The following CEP43 variants were observed in gnomAD, a reference collection of about 807,000 sequenced individuals.
The protein encoded by CEP43 is centrosomal protein 43.
In CEP43, 36 loss-of-function variants were observed where a neutral mutation model predicts 52.6. The ratio of observed to expected loss-of-function variants is 0.68; its 90% confidence interval spans 0.52 to 0.90. The LOEUF (loss-of-function observed/expected upper bound fraction) is 0.90. CEP43 is among the 40% of genes least tolerant of loss of function. The pLI is 0.00. For missense variants in CEP43, 506 were observed against 472.8 expected (o/e 1.07, Z -0.65); for synonymous variants, 192 against 172.4 (o/e 1.11, Z -0.89).
At position 167,050,781 on chromosome 6, in the gene CEP43, G is replaced by GAAAAAAAAAAAAAAA. The variant is rs61698763; in HGVS notation, c.*10812_*10826dup. The GAAAAAAAAAAAAAAA allele has an allele frequency of 2.1e-4, 20 of 96,330 alleles. No homozygotes were observed. The highest frequency in any genetic ancestry group is 3.7e-4 in the Admixed American group (3 of 8,168). 6.0% of individuals were successfully genotyped at this position (96,330 alleles called of 1,614,324 possible). On this transcript the variant is annotated 3_prime_UTR_variant, in exon 13 of 13. Transcript: ENST00000366847. Reference sequence around the variant, plus strand: ...GGGTGACAGAGTGAGACTCAAAAAAGAAAAAAAAAAAAAAAAAAAAAAAGA... The same window carrying GAAAAAAAAAAAAAAA: ...GGGTGACAGAGTGAGACTCAAAAAAGAAAAAAAAAAAAAAAAAAAAAAAAAAAAAAAAAAAAAAGA...
rs527969925 is a variant in CEP43 at position 167,041,926 on chromosome 6, C to T, written c.*1948C>T. ...GCAACCTCCGCCTCCTGGGTTCAAG[C>T]GATTCTCCTGCTTCAGCCTCCTGAG... On this transcript the variant is annotated 3_prime_UTR_variant, in exon 13 of 13. Coordinates refer to ENST00000366847, the MANE Select transcript of CEP43 (RefSeq NM_007045.4). 14 of 537,512 alleles carry T rather than the reference C, an allele frequency of 2.6e-5. No homozygotes were observed. Among genetic ancestry groups the T allele is most frequent in the African/African-American group, 1.4e-4 (7 of 48,588 alleles). The allele number at this position is 537,512 out of a possible 1,614,324, so 33.3% of individuals were successfully genotyped here. A position where few individuals can be genotyped will look rare whatever the true frequency, so the allele number is the denominator to read the frequency against.
chr6:167,039,632 G>C (rs758356168), intron 12 of CEP43, among the ~76,000 whole-genome samples: 4 of 152,178 alleles, frequency 2.6e-5, no homozygotes, highest in Non-Finnish European at 4.4e-5. Flanking sequence ...AGTGGGATTG[G>C]TGGATCAAAC....
intron 10 of CEP43, 104 bp from the exon 11 acceptor site, chr6:167,032,499 T>A: frequency 9.5e-7 from 1 of 1,048,626 alleles, no homozygotes; most frequent in Non-Finnish European, 1.3e-6. Flanking sequence ...TGGGACTTTT[T>A]AAATGATGCA....
chr6:167,037,464 G>A (rs1222511215), intron 12 of CEP43, among the ~76,000 whole-genome samples: 2 of 152,202 alleles, frequency 1.3e-5, no homozygotes, highest in African/African-American at 4.8e-5. Flanking sequence ...TTTACAGTCT[G>A]TCTGCAAGCT....
intron 12 of CEP43, among the ~76,000 whole-genome samples, chr6:167,035,795 C>T (rs551827331): frequency 1.4e-4 from 22 of 152,076 alleles, no homozygotes; most frequent in Non-Finnish European, 2.6e-4. Context: ...TCTTGATCTC[C>T]TGACCTCGTG....
intron 12 of CEP43, chr6:167,036,050 A>G (rs1478515122): frequency 2.0e-6 from 2 of 984,624 alleles, no homozygotes; most frequent in Non-Finnish European, 2.4e-6. Context: ...GTAGGCACAG[A>G]TATAGACTTC....
rs1459591661 is a variant in CEP43, at chr6:167,048,107, G to C, written c.*8129G>C. 1 of 152,160 alleles carries C rather than the reference G, an allele frequency of 6.6e-6. No homozygotes were observed. Among genetic ancestry groups the C allele is most frequent in the Non-Finnish European group, 1.5e-5 (1 of 68,042 alleles). 9.4% of individuals were successfully genotyped at this position (152,160 alleles called of 1,614,324 possible). On this transcript the variant is annotated 3_prime_UTR_variant, in exon 13 of 13. Coordinates refer to ENST00000366847, the MANE Select transcript of CEP43 (RefSeq NM_007045.4). ...ATCATCTGGACATTAAAACTGAATT[G>C]TAGGCAGGCGTGGTGGCTCACACCT...
chr6:167,010,783 G>T (rs774243387), intron 5 of CEP43, 30 bp from the exon 6 acceptor site: 7 of 1,161,910 alleles, frequency 6.0e-6, no homozygotes, highest in Non-Finnish European at 7.2e-6. Flanking sequence ...ATTTTTAAAT[G>T]TATTTTAATT....
At chr6:167,005,619 G>A (rs917048801) in intron 5 of CEP43, among the ~76,000 whole-genome samples, 4 of 152,190 alleles carry the variant, frequency 2.6e-5, no homozygotes, top group Non-Finnish European at 5.9e-5. Flanking sequence ...CACCCAGAGC[G>A]CAGGTTGTCA....
chr6:167,003,409 C>G, intron 3 of CEP43, 162 bp downstream of exon 3: 1 of 507,564 alleles, frequency 2.0e-6, no homozygotes, highest in Admixed American at 3.8e-5. Context: ...GTTGCTATTA[C>G]ATATTTTTGG....
chr6:167,026,530 T>C lies in CEP43; in HGVS notation c.920-17T>C, dbSNP rs570958810. 4 of 1,509,412 alleles carry C rather than the reference T, an allele frequency of 2.7e-6. No homozygotes were observed. The South Asian group carries it at 4.5e-5, about 17-fold the overall frequency. The allele number at this position is 1,509,412 out of a possible 1,614,324, so 93.5% of individuals were successfully genotyped here. A position where few individuals can be genotyped will look rare whatever the true frequency, so the allele number is the denominator to read the frequency against. ...ATTCTAAGTCACTCTAATGTTAATATTTTCTCCTGTTCACAGGTAAAAGGG... is the reference window on the plus strand; with the variant it reads ...ATTCTAAGTCACTCTAATGTTAATACTTTCTCCTGTTCACAGGTAAAAGGG... On this transcript the variant is annotated splice_polypyrimidine_tract_variant and intron_variant, in intron 9 of 12. Transcript: ENST00000366847.
intron 10 of CEP43, among the ~76,000 whole-genome samples, chr6:167,031,879 C>G (rs1780478642): frequency 6.6e-6 from 1 of 151,930 alleles, no homozygotes; most frequent in South Asian, 2.1e-4. Flanking sequence ...GAAGGTGCCC[C>G]CTCTGTCAGA....
chr6:167,040,308 G>A lies in CEP43; in HGVS notation c.*330G>A. On this transcript the variant is annotated 3_prime_UTR_variant, in exon 13 of 13. Transcript: ENST00000366847. The stretch of plus-strand genomic sequence containing the variant: ...ATGAAAGGTGTCAATAAAGCCGTAG[G>A]ATCGCGCAACCCTTTGTGTGTGTGG... The A allele has an allele frequency of 1.4e-6, 2 of 1,444,628 alleles. No homozygotes were observed. Among genetic ancestry groups the A allele is most frequent in the Non-Finnish European group, 1.8e-6 (2 of 1,107,380 alleles). The allele number at this position is 1,444,628 out of a possible 1,614,324, so 89.5% of individuals were successfully genotyped here. A position where few individuals can be genotyped will look rare whatever the true frequency, so the allele number is the denominator to read the frequency against.
chr6:167,023,690 G>C (rs1487519053), intron 8 of CEP43, among the ~76,000 whole-genome samples: 2 of 152,202 alleles, frequency 1.3e-5, no homozygotes, highest in Non-Finnish European at 2.9e-5. Flanking sequence ...GCACCTTGAG[G>C]CCAGAGCAGG....
chr6:167,041,018 G>GA lies in CEP43; in HGVS notation c.*1046dup, dbSNP rs1283244782. On this transcript the variant is annotated 3_prime_UTR_variant, in exon 13 of 13. Transcript: ENST00000366847. ...TAAAGTATTTTAAAATGTGCAAGTA[G>GA]AAAAAACAGTAGAAAGTGATGCATG... 2.9e-6 allele frequency: 3 copies of GA among 1,028,336 alleles called. No homozygotes were observed. The African/African-American group carries it at 5.1e-5, about 17-fold the overall frequency. 63.7% of individuals were successfully genotyped at this position (1,028,336 alleles called of 1,614,324 possible). A position where few individuals can be genotyped will look rare whatever the true frequency, so the allele number is the denominator to read the frequency against.
chr6:167,007,575 C>G (rs569897016), intron 5 of CEP43, among the ~76,000 whole-genome samples: 2 of 151,896 alleles, frequency 1.3e-5, no homozygotes, highest in Non-Finnish European at 2.9e-5. Context: ...TATGTTTTGG[C>G]CCTTCATTAT....
intron 2 of CEP43, among the ~76,000 whole-genome samples, chr6:167,002,829 T>C (rs1779768306): frequency 6.6e-6 from 1 of 152,378 alleles, no homozygotes; most frequent in South Asian, 2.1e-4. Flanking sequence ...AAATTCCTGT[T>C]CATAGTAAGT....
intron 4 of CEP43, 153 bp from the exon 5 acceptor site, chr6:167,004,111 T>C (rs1779798637): frequency 1.2e-6 from 1 of 801,810 alleles, no homozygotes; most frequent in Admixed American, 3.3e-5. Flanking sequence ...GTAAAAGAAA[T>C]AGGCATAATT....
chr6:167,011,438 A>G (rs1379413636), intron 6 of CEP43: 1 of 152,112 alleles, frequency 6.6e-6, no homozygotes, highest in Non-Finnish European at 1.5e-5. Flanking sequence ...TGTTAAAGGT[A>G]AGACTTGATT....
Sources: gnomAD v4.1 joint callset for allele counts (sites outside exome capture counted in the v4.1 genomes callset) on GRCh38, gnomAD v4.1.1 for gene constraint, MANE v1.5 for transcripts, NCBI Gene and HGNC (gene_info 2026-07-23, HGNC 2026-07-21) for gene names.